ICA1: variants seen among roughly 807,000 people sequenced by gnomAD.
ICA1 encodes islet cell autoantigen 1.
ICA1 carries 40 observed loss-of-function variants against 71.0 expected under a neutral mutation model. The observed-to-expected ratio is 0.56, with a 90% confidence interval of 0.44 to 0.73. The LOEUF (loss-of-function observed/expected upper bound fraction) is 0.73, where lower values mean the gene tolerates loss of function less well. Among genes scored for constraint, ICA1 ranks in the 30% least tolerant of loss-of-function variants. The pLI is 0.00. For synonymous variants in ICA1, 207 were observed against 209.5 expected (o/e 0.99, Z 0.10); for missense variants, 578 against 576.5 (o/e 1.00, Z -0.03).
intron 1 of ICA1, among the ~76,000 whole-genome samples, chr7:8,250,502 CCT>C (rs1489432160): frequency 6.6e-6 from 1 of 152,090 alleles, no homozygotes; most frequent in Non-Finnish European, 1.5e-5. Context: ...GTTTTTCCTA[CCT>C]CTGAGATATC....
At chr7:8,237,156 T>C (rs1032691266) in intron 1 of ICA1, among the ~76,000 whole-genome samples, 10 of 152,214 alleles carry the variant, frequency 6.6e-5, no homozygotes, top group Non-Finnish European at 1.5e-4. Context: ...TCTCTCTTCC[T>C]TGTGGAGAGC....
At chr7:8,149,325 G>T (rs1382223763) in intron 8 of ICA1, among the ~76,000 whole-genome samples, 2 of 152,236 alleles carry the variant, frequency 1.3e-5, no homozygotes, top group African/African-American at 4.8e-5. Flanking sequence ...AAGACTGAAA[G>T]TTTCTTTGTG....
rs781209679 is a variant in ICA1, at chr7:8,158,675, C to G, written c.580-23G>C. ...TACCTATGAAAATAAAGAGGAATTT[C>G]TGAATCACCCTAACCCTTAAGTAGG... On this transcript the variant is annotated intron_variant, in intron 6 of 13. Transcript: ENST00000402384. 13 of 1,613,236 alleles carry G rather than the reference C, an allele frequency of 8.1e-6. No homozygotes were observed. In the Admixed American group the frequency reaches 2.2e-4, roughly 27 times the overall value.
rs1009567725 is a variant in ICA1 at position 8,151,537 on chromosome 7, A to G, written c.804+5579T>C. ...TAATGACAATGAGAGAAAACTTGAA[A>G]GCCTAAAAGGATATCCTGGATGCTC... On this transcript the variant is annotated intron_variant, in intron 8 of 13. Coordinates refer to ENST00000402384, the MANE Select transcript of ICA1 (RefSeq NM_001136020.3). Among the ~76,000 whole-genome samples, 4 of 152,356 alleles carry G rather than the reference A, an allele frequency of 2.6e-5. No individual in the cohort carries two copies. The South Asian group carries it at 8.3e-4, about 32-fold the overall frequency.
At chr7:8,181,780 A>G (rs1782260957) in intron 6 of ICA1, among the ~76,000 whole-genome samples, 1 of 152,242 alleles carries the variant, frequency 6.6e-6, no homozygotes, top group Non-Finnish European at 1.5e-5. Flanking sequence ...TGAGGCATGA[A>G]TAGTATTCAC....
chr7:8,191,140 T>G (rs138366615), intron 6 of ICA1, among the ~76,000 whole-genome samples: 47 of 152,358 alleles, frequency 3.1e-4, no homozygotes, highest in African/African-American at 1.1e-3. Context: ...GAAATCACTA[T>G]TTTGATGTAT....
chr7:8,157,336 C>G, intron 7 of ICA1, 122 bp from the exon 8 acceptor site: 1 of 976,206 alleles, frequency 1.0e-6, no homozygotes, highest in Non-Finnish European at 1.5e-6. Flanking sequence ...AACTCATTTC[C>G]ATGCTTCCCA....
intron 7 of ICA1, 155 bp from the exon 8 acceptor site, chr7:8,157,369 T>G: frequency 1.4e-6 from 1 of 717,692 alleles, no homozygotes; most frequent in South Asian, 2.3e-5. Context: ...TTACACTCTG[T>G]ATTTCAGCCA....
chr7:8,153,175 CTTTGT>C (rs568241710), intron 8 of ICA1, among the ~76,000 whole-genome samples: 2 of 152,210 alleles, frequency 1.3e-5, no homozygotes, highest in Non-Finnish European at 2.9e-5. Flanking sequence ...CTTTTATATA[CTTTGT>C]TTTATCACAA....
chr7:8,172,964 T>C (rs759119598), intron 6 of ICA1, among the ~76,000 whole-genome samples: 6 of 152,200 alleles, frequency 3.9e-5, no homozygotes, highest in Non-Finnish European at 7.4e-5. Flanking sequence ...TTCCCTAAAA[T>C]CTTTCTATCA....
chr7:8,206,218 C>G (rs557301075), intron 6 of ICA1, among the ~76,000 whole-genome samples: 1 of 152,286 alleles, frequency 6.6e-6, no homozygotes, highest in East Asian at 1.9e-4. Context: ...CTCTCATCTT[C>G]CTTCCTGCTA....
At chr7:8,238,021 G>A (rs1046991468) in intron 1 of ICA1, among the ~76,000 whole-genome samples, 1 of 152,030 alleles carries the variant, frequency 6.6e-6, no homozygotes, top group Non-Finnish European at 1.5e-5. Flanking sequence ...GAATAACACT[G>A]TTTCATAATA....
chr7:8,117,864 C>T lies in ICA1; in HGVS notation c.1331-3820G>A, dbSNP rs1215138436. On this transcript the variant is annotated intron_variant, in intron 13 of 13. Coordinates refer to ENST00000402384, the MANE Select transcript of ICA1 (RefSeq NM_001136020.3). ...GATTTAATGCCACTTGTTCACTCTGCCATTCTAAGCTTTACACTTTCCAGT... is the reference window on the plus strand; with the variant it reads ...GATTTAATGCCACTTGTTCACTCTGTCATTCTAAGCTTTACACTTTCCAGT... Among the ~76,000 whole-genome samples, 3 of 152,182 alleles carry T rather than the reference C, an allele frequency of 2.0e-5. No individual in the cohort carries two copies. In the East Asian group the frequency reaches 5.8e-4, roughly 29 times the overall value.
intron 1 of ICA1, among the ~76,000 whole-genome samples, chr7:8,256,238 T>C (rs1810114493): frequency 6.6e-6 from 1 of 152,202 alleles, no homozygotes; most frequent in East Asian, 1.9e-4. Context: ...GACCTATCAC[T>C]ATATGATGCA....
intron 5 of ICA1, among the ~76,000 whole-genome samples, chr7:8,219,736 A>G (rs1017190800): frequency 2.6e-5 from 4 of 152,250 alleles, no homozygotes; most frequent in Admixed American, 1.3e-4. Flanking sequence ...TGACTACCAA[A>G]TAAGTCTGTA....
intron 8 of ICA1, among the ~76,000 whole-genome samples, chr7:8,146,305 T>C (rs1362705758): frequency 1.3e-5 from 2 of 152,176 alleles, no homozygotes; most frequent in African/African-American, 4.8e-5. Context: ...GCCAGCCATG[T>C]GAAGCTCAGG....
intron 13 of ICA1, 146 bp from the exon 14 acceptor site, chr7:8,114,190 G>C: frequency 1.2e-6 from 1 of 845,914 alleles, no homozygotes; most frequent in Non-Finnish European, 1.9e-6. Flanking sequence ...AATAGTTAGG[G>C]AATTCCAACT....
At chr7:8,196,969 G>A (rs758507222) in intron 6 of ICA1, among the ~76,000 whole-genome samples, 10 of 152,002 alleles carry the variant, frequency 6.6e-5, no homozygotes, top group Non-Finnish European at 1.2e-4. Flanking sequence ...CTTCCGCCAC[G>A]ATTGTGAGGC....
At chr7:8,180,959 G>A (rs1782033887) in intron 6 of ICA1, among the ~76,000 whole-genome samples, 1 of 151,208 alleles carries the variant, frequency 6.6e-6, no homozygotes, top group Admixed American at 6.6e-5. Flanking sequence ...TCTAAATGGT[G>A]TTTTTTAATG....
Sources: allele counts gnomAD v4.1 joint callset (sites outside exome capture counted in the v4.1 genomes callset), GRCh38; gene constraint gnomAD v4.1.1; transcripts MANE v1.5; gene names NCBI Gene and HGNC (gene_info 2026-07-23, HGNC 2026-07-21).